The following PCDHGA2 variants were observed in gnomAD, a reference collection of about 807,000 sequenced individuals.
The protein encoded by PCDHGA2 is protocadherin gamma-A2.
A neutral mutation model predicts 59.2 loss-of-function variants in PCDHGA2; 40 were observed. The ratio of observed to expected loss-of-function variants is 0.68; its 90% CI spans 0.52 to 0.88. The LOEUF is 0.88. Among genes scored for constraint, PCDHGA2 ranks in the 40% least tolerant of loss-of-function variants. The pLI is 0.00. For synonymous variants in PCDHGA2, 560 were observed against 526.0 expected, an observed-to-expected ratio of 1.06 and a Z score of -0.89; for missense variants, 1,226 against 1,204.0, an observed-to-expected ratio of 1.02 and a Z score of -0.27.
intron 1 of PCDHGA2, chr5:141,478,259 T>G: frequency 6.2e-7 from 1 of 1,614,182 alleles, no homozygotes. Context: ...AGTAATCATA[T>G]TCAAAGTTTA....
chr5:141,389,695 A>G, intron 1 of PCDHGA2: 1 of 1,612,564 alleles, frequency 6.2e-7, no homozygotes, highest in Non-Finnish European at 8.5e-7. Context: ...TGGCTGTCCT[A>G]CCACGTGCTG....
intron 1 of PCDHGA2, among the ~76,000 whole-genome samples, chr5:141,461,151 C>A (rs1424467673): frequency 6.6e-6 from 1 of 152,022 alleles, no homozygotes; most frequent in African/African-American, 2.4e-5. Context: ...TGGGTAGATA[C>A]CCAATAGTGG....
At position 141,505,378 on chromosome 5, in the gene PCDHGA2, C is replaced by T. The variant is rs376550639; in HGVS notation, c.2484-15C>T. 2 of 1,614,034 alleles carry T rather than the reference C, an allele frequency of 1.2e-6. No homozygotes were observed. The highest frequency in any genetic ancestry group is 2.2e-5 in the East Asian group (1 of 44,872). On this transcript the variant is annotated splice_polypyrimidine_tract_variant and intron_variant, in intron 2 of 3. Transcript: ENST00000394576. ...GGCCTGGGAGTCTGTGCTCACCATC[C>T]TACTCTCTCCCCAGCTCCCAAAATG...
intron 1 of PCDHGA2, chr5:141,428,156 C>A: frequency 6.3e-7 from 1 of 1,579,884 alleles, no homozygotes; most frequent in Non-Finnish European, 8.6e-7. Context: ...CGGGAACCTG[C>A]TGGTTGCTGT....
intron 1 of PCDHGA2, chr5:141,394,644 G>C (rs765703225): frequency 1.2e-6 from 2 of 1,613,358 alleles, no homozygotes; most frequent in Admixed American, 3.3e-5. Context: ...CCTGCTCAAG[G>C]CCAGCGAGCC....
intron 1 of PCDHGA2, chr5:141,428,481 C>T (rs2097141995): frequency 3.0e-6 from 1 of 331,008 alleles, no homozygotes; most frequent in Non-Finnish European, 5.8e-6. Flanking sequence ...TGCTTTATTC[C>T]TGCAATCTGT....
Position 141,477,468 on chromosome 5 carries a change from A to G in PCDHGA2, c.2425-17339A>G. ...GTGCGTGTTCAAGTGTCCGACATCA[A>G]TGACAACCCTCCACAATCTTCTCAA... is the stretch of plus-strand genomic sequence containing the variant. On this transcript the variant is annotated intron_variant, in intron 1 of 3. Transcript: ENST00000394576. This position sits in a 1 kb window ranked among gnomAD's most constrained non-coding sequence, Gnocchi z 4.9. 6.2e-7 allele frequency: 1 copy of G among 1,614,158 alleles called. No homozygotes were observed. Among genetic ancestry groups the G allele is most frequent in the Non-Finnish European group, 8.5e-7 (1 of 1,180,022 alleles).
intron 1 of PCDHGA2, among the ~76,000 whole-genome samples, chr5:141,429,326 T>A (rs571458414): frequency 6.6e-6 from 1 of 152,230 alleles, no homozygotes; most frequent in East Asian, 1.9e-4. Context: ...TTTTCTTTAA[T>A]CCATTAACTA....
At chr5:141,365,307 CT>C in intron 1 of PCDHGA2, 2 of 1,613,992 alleles carry the variant, frequency 1.2e-6, no homozygotes, top group Non-Finnish European at 1.7e-6. Flanking sequence ...GATGGAGGCG[CT>C]CTTGTTGCCA....
intron 1 of PCDHGA2, chr5:141,382,959 G>T: frequency 6.2e-7 from 1 of 1,607,442 alleles, no homozygotes; most frequent in Non-Finnish European, 8.5e-7. Flanking sequence ...CCATCCTCCT[G>T]GGGACCCCCT....
rs73280340 is a variant in PCDHGA2, at chr5:141,473,067, G to A, written c.2425-21740G>A. On this transcript the variant is annotated intron_variant, in intron 1 of 3. Transcript: ENST00000394576. ...GAAAGAAGTGATACAACAAGTTACA[G>A]CATCTTTGTTTATTATCCACTGTGA... Among the ~76,000 whole-genome samples the A allele has an allele frequency of 5.6e-3, 854 of 152,054 alleles. 5 individuals are homozygous for A. The highest frequency in any genetic ancestry group is 0.019 in the African/African-American group (798 of 41,456).
At chr5:141,416,405 T>C (rs948190812) in intron 1 of PCDHGA2, 1 of 152,200 alleles carries the variant, frequency 6.6e-6, no homozygotes, top group Non-Finnish European at 1.5e-5. Context: ...TTTGTCTTTT[T>C]TGTTAAATTT....
chr5:141,481,065 AAAAG>A (rs1476331686), intron 1 of PCDHGA2, among the ~76,000 whole-genome samples: 1 of 152,164 alleles, frequency 6.6e-6, no homozygotes, highest in Non-Finnish European at 1.5e-5. Flanking sequence ...CTCAAAAACA[AAAAG>A]AAAGAAAGAA....
At chr5:141,386,934 T>C (rs568938502) in intron 1 of PCDHGA2, among the ~76,000 whole-genome samples, 1 of 152,316 alleles carries the variant, frequency 6.6e-6, no homozygotes, top group Non-Finnish European at 1.5e-5. Flanking sequence ...AGTGCAGAGG[T>C]AGGAAGCAGT....
In PCDHGA2 at chr5:141,491,341, G is replaced by C. The variant is rs775712620; in HGVS notation, c.2425-3466G>C. ...TTACCTCATTGTGGCTCTAGCGACC[G>C]TCAGTCTCTTATCCCTAGTCACCTT... On this transcript the variant is annotated intron_variant, in intron 1 of 3. Transcript: ENST00000394576. This position sits in a 1 kb window ranked among gnomAD's most constrained non-coding sequence, Gnocchi z 6.9. 10 of 1,614,100 alleles carry C rather than the reference G, an allele frequency of 6.2e-6. No homozygotes were observed. In the East Asian group the frequency reaches 8.9e-5, roughly 14 times the overall value.
In PCDHGA2 at chr5:141,389,782, G is replaced by C. The variant is rs768524617; in HGVS notation, c.2424+48387G>C. 4 of 1,613,192 alleles carry C rather than the reference G, an allele frequency of 2.5e-6. No individual in the cohort carries two copies. In the African/African-American group the frequency reaches 5.3e-5, roughly 22 times the overall value. On this transcript the variant is annotated intron_variant, in intron 1 of 3. Transcript: ENST00000394576. ...CGCACAGCGCGTGCCTTAGGCGACAGGGACGCCGTCCGCCAGCGCCTTCTG... is the reference window on the plus strand; with the variant it reads ...CGCACAGCGCGTGCCTTAGGCGACACGGACGCCGTCCGCCAGCGCCTTCTG...
intron 1 of PCDHGA2, chr5:141,378,627 TG>T (rs1588860853): frequency 6.6e-6 from 1 of 152,240 alleles, no homozygotes; most frequent in Admixed American, 6.5e-5. Context: ...GATGACTGAC[TG>T]GTGAATGGGA....
In PCDHGA2 at chr5:141,489,183, G is replaced by A. The variant is rs2099683673; in HGVS notation, c.2425-5624G>A. 7.9e-7 allele frequency: 1 copy of A among 1,270,400 alleles called. No individual in the cohort carries two copies. Among genetic ancestry groups the A allele is most frequent in the Non-Finnish European group, 1.1e-6 (1 of 913,958 alleles). The allele number at this position is 1,270,400 out of a possible 1,614,324, so 78.7% of individuals were successfully genotyped here. A position where few individuals can be genotyped will look rare whatever the true frequency, so the allele number is the denominator to read the frequency against. ...TTCAGCTGCTGCATTCCAAGCCCTGGGTCTACCTTGGAGACAGGACAGCAC... is the reference window on the plus strand; with the variant it reads ...TTCAGCTGCTGCATTCCAAGCCCTGAGTCTACCTTGGAGACAGGACAGCAC... On this transcript the variant is annotated intron_variant, in intron 1 of 3. Transcript: ENST00000394576. The surrounding 1 kb of genome is among the most constrained non-coding windows in gnomAD (Gnocchi z 4.5).
At chr5:141,497,768 G>A (rs920949258) in intron 2 of PCDHGA2, among the ~76,000 whole-genome samples, 8 of 152,070 alleles carry the variant, frequency 5.3e-5, no homozygotes, top group East Asian at 1.9e-4. Flanking sequence ...CAAACTCCCC[G>A]ACCTCAACTG....
Sources: gnomAD v4.1 joint callset for allele counts (sites outside exome capture counted in the v4.1 genomes callset) on GRCh38, gnomAD v4.1.1 for gene constraint, Gnocchi (gnomAD v3.1) non-coding constraint, MANE v1.5 for transcripts, NCBI Gene and HGNC (gene_info 2026-07-23, HGNC 2026-07-21) for gene names.